Variants in LAMA1 observed in about 807,000 individuals in gnomAD.
The protein encoded by LAMA1 is laminin subunit alpha-1.
A neutral mutation model predicts 348.7 loss-of-function variants in LAMA1; 219 were observed. The observed-to-expected ratio is 0.63, with a 90% CI of 0.56 to 0.70. The LOEUF (loss-of-function observed/expected upper bound fraction) is 0.70, where lower values mean the gene tolerates loss of function less well. Among genes scored for constraint, LAMA1 ranks in the 30% least tolerant of loss-of-function variants. The pLI, the probability that LAMA1 is intolerant of heterozygous loss-of-function variation, is 0.00. For synonymous variants in LAMA1, 1,487 were observed against 1,491.0 expected (o/e 1.00, Z 0.06); for missense variants, 3,744 against 3,888.0 (o/e 0.96, Z 0.99).
intron 60 of LAMA1, 119 bp downstream of exon 60, chr18:6,948,282 AAC>A: frequency 7.6e-7 from 1 of 1,321,220 alleles, no homozygotes; most frequent in Middle Eastern, 1.8e-4. Flanking sequence ...TGGAATACTA[AAC>A]TCAATGTGGT....
intron 36 of LAMA1, among the ~76,000 whole-genome samples, chr18:6,989,233 G>C (rs1391038814): frequency 6.6e-6 from 1 of 152,010 alleles, no homozygotes; most frequent in Non-Finnish European, 1.5e-5. Context: ...ATCCCACATG[G>C]GGAGAGGACT....
At chr18:6,979,730 T>G (rs1259417154) in intron 42 of LAMA1, among the ~76,000 whole-genome samples, 1 of 151,890 alleles carries the variant, frequency 6.6e-6, no homozygotes, top group Non-Finnish European at 1.5e-5. Flanking sequence ...AAACCCCATC[T>G]CTACTAAAAA....
In LAMA1 at chr18:7,050,681, G is replaced by T. The variant is rs759675993; in HGVS notation, c.588+13C>A. The T allele has an allele frequency of 4.3e-6, 7 of 1,613,230 alleles. No homozygotes were observed. The highest frequency in any genetic ancestry group is 5.1e-6 in the Non-Finnish European group (6 of 1,180,010). ...GAGGAAACAGATCTTGCTGCAGCGG[G>T]CACCATACCTACCTCTCCATGCTCA... On this transcript the variant is annotated intron_variant, in intron 4 of 62. Coordinates refer to ENST00000389658, the MANE Select transcript of LAMA1 (RefSeq NM_005559.4).
At chr18:7,103,909 G>C (rs1464307418) in intron 1 of LAMA1, among the ~76,000 whole-genome samples, 1 of 151,990 alleles carries the variant, frequency 6.6e-6, no homozygotes. Flanking sequence ...TCTTCGCTCT[G>C]CTTCCTCACT....
chr18:6,958,572 C>G lies in LAMA1; in HGVS notation c.7869G>C (p.Leu2623=), dbSNP rs766776050. ...CTCCCTCTGGAATTCCCCCGACGTA[C>G]AGATTGGACACATTTATCGTCCTGC... ...VESRTINVSN[L]YVGGIPEGEG... is the part of the protein sequence containing the mutation. The change falls in exon 55 of 63, where the codon CTG becomes CTC. Residue 2623 remains leucine, a synonymous_variant. Transcript: ENST00000389658. 1.1e-5 allele frequency: 18 copies of G among 1,614,172 alleles called. No individual in the cohort carries two copies. The South Asian group carries it at 1.3e-4, about 12-fold the overall frequency.
At position 7,068,361 on chromosome 18, in the gene LAMA1, GTGT is replaced by G. The variant is rs534503885; in HGVS notation, c.345+11611_345+11613del. Among the ~76,000 whole-genome samples the G allele has an allele frequency of 1.4e-4, 22 of 152,322 alleles. No individual in the cohort carries two copies. The South Asian group carries it at 4.3e-3, about 30-fold the overall frequency. Reference sequence around the variant, plus strand: ...CCAACATACTGAAGGAACCGCCCATGTGTTGTCCACTTTCTTTGCACTAAGGGC... The same window carrying G: ...CCAACATACTGAAGGAACCGCCCATGTGTCCACTTTCTTTGCACTAAGGGC... On this transcript the variant is annotated intron_variant, in intron 3 of 62. Coordinates refer to ENST00000389658, the MANE Select transcript of LAMA1 (RefSeq NM_005559.4).
At chr18:7,036,911 A>G (rs1598291789) in intron 12 of LAMA1, among the ~76,000 whole-genome samples, 2 of 152,246 alleles carry the variant, frequency 1.3e-5, no homozygotes, top group African/African-American at 4.8e-5. Flanking sequence ...ATTGAGATGC[A>G]TTCTCGGGAA....
chr18:7,108,388 T>C (rs1312936866), intron 1 of LAMA1, among the ~76,000 whole-genome samples: 2 of 149,974 alleles, frequency 1.3e-5, no homozygotes, highest in East Asian at 4.0e-4. Flanking sequence ...CAGCTAGGCA[T>C]GGTGGCTCAT....
At chr18:6,974,455 CTTTTT>C (rs1213269695) in intron 46 of LAMA1, among the ~76,000 whole-genome samples, 1 of 128,292 alleles carries the variant, frequency 7.8e-6, no homozygotes, top group Admixed American at 7.9e-5. Flanking sequence ...TATTTCTTTT[CTTTTT>C]TTTTTTTTTT....
intron 16 of LAMA1, among the ~76,000 whole-genome samples, chr18:7,028,858 C>T (rs138922355): frequency 2.6e-5 from 4 of 152,302 alleles, no homozygotes; most frequent in Admixed American, 6.5e-5. Context: ...TCGAAGGGAG[C>T]GGGGCTTGTT....
intron 5 of LAMA1, among the ~76,000 whole-genome samples, chr18:7,047,558 A>G (rs1053424170): frequency 3.9e-5 from 6 of 152,212 alleles, no homozygotes; most frequent in Non-Finnish European, 7.3e-5. Flanking sequence ...AAATCTTAGC[A>G]GGCTTTATTT....
At chr18:7,108,870 A>G (rs2058324902) in intron 1 of LAMA1, among the ~76,000 whole-genome samples, 1 of 152,122 alleles carries the variant, frequency 6.6e-6, no homozygotes, top group South Asian at 2.1e-4. Flanking sequence ...ATTCAGATAA[A>G]AGGGCTGAAG....
intron 26 of LAMA1, 49 bp from the exon 27 acceptor site, chr18:7,009,415 C>A: frequency 6.3e-7 from 1 of 1,599,428 alleles, no homozygotes; most frequent in Non-Finnish European, 8.6e-7. Context: ...CAAATTCTGA[C>A]AGGCATAAAA....
intron 1 of LAMA1, among the ~76,000 whole-genome samples, chr18:7,090,310 T>C (rs1195169392): frequency 1.3e-5 from 2 of 152,218 alleles, no homozygotes; most frequent in South Asian, 2.1e-4. Flanking sequence ...GCCTGTTTAA[T>C]GTAAAACGAG....
chr18:6,986,040 G>GAGCC lies in LAMA1; in HGVS notation c.5379+93_5379+96dup, dbSNP rs1184356382. The GAGCC allele has an allele frequency of 5.8e-6, 8 of 1,380,940 alleles. No individual in the cohort carries two copies. The African/African-American group carries it at 7.1e-5, about 12-fold the overall frequency. 85.5% of individuals were successfully genotyped at this position (1,380,940 alleles called of 1,614,324 possible). A position where few individuals can be genotyped will look rare whatever the true frequency, so the allele number is the denominator to read the frequency against. The stretch of plus-strand genomic sequence containing the variant: ...CCCAAAGTGCTGGGATTACAAGCGT[G>GAGCC]AGCCACCCAGCCAGGCCAGGGCTCA... On this transcript the variant is annotated intron_variant, in intron 37 of 62. Transcript: ENST00000389658.
Position 6,947,257 on chromosome 18 carries a change from G to A in LAMA1, c.8750C>T (p.Thr2917Ile), listed in dbSNP as rs376554656. ...GYKVQSDVNI[T>I]LEFRTSSQNG... ...CTGCGAGGAGGTTCGAAACTCCAGT[G>A]TGATGTTCACATCTGACTGGACTTT... is the stretch of plus-strand genomic sequence containing the variant. Residue 2917 changes from threonine to isoleucine, a missense_variant, in exon 61 of 63, where the codon ACA becomes ATA. This residue lies in a region of LAMA1 where 232 missense variants were observed against 264.4 expected (regional missense o/e 0.88). Coordinates refer to ENST00000389658, the MANE Select transcript of LAMA1 (RefSeq NM_005559.4). 2.5e-6 allele frequency: 4 copies of A among 1,614,076 alleles called. No individual in the cohort carries two copies. The highest frequency in any genetic ancestry group is 1.1e-5 in the South Asian group (1 of 91,070).
At chr18:6,947,109 GCT>G (rs1033895931) in intron 61 of LAMA1, 52 bp downstream of exon 61, 44 of 1,609,684 alleles carry the variant, frequency 2.7e-5, no homozygotes, top group Non-Finnish European at 2.3e-5. Flanking sequence ...TTTCTCAATT[GCT>G]CTGTCTCTGA....
chr18:7,115,381 C>G (rs1025203758), intron 1 of LAMA1, among the ~76,000 whole-genome samples: 1 of 152,106 alleles, frequency 6.6e-6, no homozygotes, highest in African/African-American at 2.4e-5. Context: ...ATTATTTTTA[C>G]AAACACAATA....
In LAMA1 at chr18:7,090,588, C is replaced by T. The variant is rs532744383; in HGVS notation, c.62-10131G>A. 1.8e-4 allele frequency among the ~76,000 whole-genome samples: 28 copies of T among 152,068 alleles called. No individual in the cohort carries two copies. In the East Asian group the frequency reaches 2.7e-3, roughly 15 times the overall value. On this transcript the variant is annotated intron_variant, in intron 1 of 62. Coordinates refer to ENST00000389658, the MANE Select transcript of LAMA1 (RefSeq NM_005559.4). ...GCTTTAAGATATTCTAGCGATTCCA[C>T]CAGGCAAGGACCAAAGCCCTTTCCA...
Sources: allele counts gnomAD v4.1 joint callset (sites outside exome capture counted in the v4.1 genomes callset), GRCh38; gene constraint gnomAD v4.1.1; regional missense constraint gnomAD v4.1.1; transcripts MANE v1.5; gene names NCBI Gene and HGNC (gene_info 2026-07-23, HGNC 2026-07-21).